The following SH3D19 variants were observed in gnomAD, a reference collection of about 807,000 sequenced individuals.
SH3D19 encodes SH3 domain-containing protein 19.
Under a neutral mutation model 112.1 loss-of-function variants are expected in SH3D19, and 58 were observed. That is an observed-to-expected ratio of 0.52 (90% CI 0.42 to 0.64). SH3D19 has a LOEUF of 0.64. Ranked by LOEUF, SH3D19 falls within the 30% of genes least tolerant of loss-of-function variation. The pLI is 0.00. For missense variants in SH3D19, 1,090 were observed against 1,263.4 expected, an observed-to-expected ratio of 0.86 and a Z score of 2.08; for synonymous variants, 391 against 448.5, an observed-to-expected ratio of 0.87 and a Z score of 1.62.
intron 13 of SH3D19, among the ~76,000 whole-genome samples, chr4:151,138,854 C>T (rs115549694): frequency 0.02 from 2,971 of 152,172 alleles, 47 homozygotes; most frequent in Non-Finnish European, 0.029. Context: ...TTTTTTGAGA[C>T]GGGGTTTTGC....
chr4:151,137,585 CA>C, intron 14 of SH3D19, 146 bp downstream of exon 14: 3 of 592,214 alleles, frequency 5.1e-6, no homozygotes, highest in Non-Finnish European at 8.3e-6. Context: ...CCTAGTTGAC[CA>C]AATCTTTATT....
intron 1 of SH3D19, 159 bp from the exon 2 acceptor site, chr4:151,226,245 C>CA: frequency 8.2e-7 from 1 of 1,223,710 alleles, no homozygotes. Context: ...GTTCGCCTGA[C>CA]AGAGGCAGAA....
chr4:151,244,672 C>T (rs1770802950), intron 1 of SH3D19, among the ~76,000 whole-genome samples: 1 of 152,152 alleles, frequency 6.6e-6, no homozygotes, highest in East Asian at 1.9e-4. Context: ...GCCAGTGTAC[C>T]TCAGAAGTGT....
In SH3D19 at chr4:151,187,417, A is replaced by G. The variant is rs1761970527; in HGVS notation, c.193+6T>C. 1 of 1,225,654 alleles carries G rather than the reference A, an allele frequency of 8.2e-7. No homozygotes were observed. The highest frequency in any genetic ancestry group is 3.2e-5 in the East Asian group (1 of 31,606). 75.9% of individuals were successfully genotyped at this position (1,225,654 alleles called of 1,614,324 possible). A position where few individuals can be genotyped will look rare whatever the true frequency, so the allele number is the denominator to read the frequency against. ...GAAAATACAGAGAAGGAAAAAACAA[A>G]CTTACATCTCTTGATTACCGCTCTA... is the stretch of plus-strand genomic sequence containing the variant. On this transcript the variant is annotated splice_donor_region_variant and intron_variant, in intron 3 of 19. Transcript: ENST00000604030.
At chr4:151,131,588 G>A (rs890693306) in intron 17 of SH3D19, among the ~76,000 whole-genome samples, 2 of 149,372 alleles carry the variant, frequency 1.3e-5, no homozygotes, top group Non-Finnish European at 3.0e-5. Context: ...CCGGGTTCAC[G>A]CCATTCCCCT....
intron 2 of SH3D19, 79 bp from the exon 3 acceptor site, chr4:151,187,542 G>T: frequency 1.2e-6 from 1 of 809,226 alleles, no homozygotes; most frequent in Non-Finnish European, 1.7e-6. Context: ...AGTCATTTCT[G>T]GGATTCAATA....
At chr4:151,135,421 A>ATTTTTT (rs34291277) in intron 14 of SH3D19, among the ~76,000 whole-genome samples, 26 of 87,486 alleles carry the variant, frequency 3.0e-4, no homozygotes, top group Non-Finnish European at 3.6e-4. Context: ...TCTCTATCTC[A>ATTTTTT]TTTTTTTTTT....
intron 3 of SH3D19, among the ~76,000 whole-genome samples, chr4:151,181,173 A>G (rs540943185): frequency 6.6e-6 from 1 of 152,336 alleles, no homozygotes; most frequent in African/African-American, 2.4e-5. Flanking sequence ...AATTTGTTTC[A>G]GATATAAACT....
At chr4:151,131,574 C>T (rs1054367219) in intron 17 of SH3D19, among the ~76,000 whole-genome samples, 1 of 151,284 alleles carries the variant, frequency 6.6e-6, no homozygotes, top group Non-Finnish European at 1.5e-5. Context: ...GCAAACTCTG[C>T]CCCCCGGGTT....
intron 2 of SH3D19, among the ~76,000 whole-genome samples, chr4:151,211,691 T>C (rs1766001882): frequency 6.6e-6 from 1 of 152,166 alleles, no homozygotes; most frequent in Admixed American, 6.5e-5. Context: ...TTTAGTGGTC[T>C]GGATAGAAGA....
At chr4:151,244,655 C>T (rs552492032) in intron 1 of SH3D19, among the ~76,000 whole-genome samples, 136 of 152,288 alleles carry the variant, frequency 8.9e-4, no homozygotes, top group Non-Finnish European at 1.6e-3. Context: ...CTGAGAGAGC[C>T]TAAGGTGCCA....
intron 19 of SH3D19, among the ~76,000 whole-genome samples, chr4:151,126,804 G>GA (rs1221074463): frequency 0.012 from 339 of 27,690 alleles, 1 homozygote; most frequent in Non-Finnish European, 0.017. Flanking sequence ...TCTCAAAAAA[G>GA]AAAAAAAAAA....
intron 1 of SH3D19, among the ~76,000 whole-genome samples, chr4:151,241,068 T>TTAGCCC (rs1447650835): frequency 6.6e-6 from 1 of 151,804 alleles, no homozygotes; most frequent in African/African-American, 2.4e-5. Context: ...GAGGATTGCC[T>TTAGCCC]TAGCCCAGGA....
rs1319307901 is a variant in SH3D19 at position 151,218,917 on chromosome 4, G to A, written c.152+7130C>T. On this transcript the variant is annotated intron_variant, in intron 2 of 19. Coordinates refer to ENST00000604030, the MANE Select transcript of SH3D19 (RefSeq NM_001378122.1). ...TCCTGTAATATTTTAATTAAAAAAT[G>A]GTGGCAGGCCAGATTTGACCCATTT... is the stretch of plus-strand genomic sequence containing the variant. Among the ~76,000 whole-genome samples, 3 of 152,108 alleles carry A rather than the reference G, an allele frequency of 2.0e-5. No individual in the cohort carries two copies. In the East Asian group the frequency reaches 5.8e-4, roughly 29 times the overall value.
At chr4:151,260,185 A>G (rs941542238) in intron 1 of SH3D19, among the ~76,000 whole-genome samples, 5 of 152,208 alleles carry the variant, frequency 3.3e-5, no homozygotes, top group Non-Finnish European at 7.3e-5. Context: ...CCATCACCCA[A>G]ATAATGTACA....
chr4:151,313,403 G>GTATTTATTTATT (rs142590729), intron 1 of SH3D19, among the ~76,000 whole-genome samples: 19 of 149,828 alleles, frequency 1.3e-4, no homozygotes, highest in African/African-American at 2.0e-4. Context: ...CATATTTTAT[G>GTATTTATTTATT]TATTTATTTA....
At chr4:151,191,971 A>C (rs1296945116) in intron 2 of SH3D19, among the ~76,000 whole-genome samples, 1 of 119,564 alleles carries the variant, frequency 8.4e-6, no homozygotes, top group Non-Finnish European at 1.7e-5. Flanking sequence ...TTTGATACAG[A>C]GTCTTGCTCT....
chr4:151,255,682 G>C (rs1771838934), intron 1 of SH3D19, among the ~76,000 whole-genome samples: 1 of 152,194 alleles, frequency 6.6e-6, no homozygotes, highest in Non-Finnish European at 1.5e-5. Context: ...AGGCGGCTGG[G>C]AGGTGGAGGT....
intron 12 of SH3D19, among the ~76,000 whole-genome samples, chr4:151,141,689 T>C (rs967859585): frequency 6.6e-6 from 1 of 152,228 alleles, no homozygotes; most frequent in African/African-American, 2.4e-5. Flanking sequence ...GTGTTATACA[T>C]GTGCATGTGT....
Sources: allele counts gnomAD v4.1 joint callset (sites outside exome capture counted in the v4.1 genomes callset), GRCh38; gene constraint gnomAD v4.1.1; transcripts MANE v1.5; gene names NCBI Gene and HGNC (gene_info 2026-07-23, HGNC 2026-07-21).